SAMSN1: variants seen among roughly 807,000 people sequenced by gnomAD.
SAMSN1 encodes SAM domain-containing protein SAMSN-1.
SAMSN1 carries 31 observed loss-of-function variants against 42.0 expected under a neutral mutation model. The observed-to-expected ratio is 0.74, with a 90% CI of 0.55 to 1.00. The LOEUF (loss-of-function observed/expected upper bound fraction) is 1.00, where lower values mean the gene tolerates loss of function less well. Ranked by LOEUF, SAMSN1 falls within the 50% of genes least tolerant of loss-of-function variation. The probability of loss-of-function intolerance (pLI) is 0.00; values close to 1 mark genes in which losing one functional copy is unlikely to be tolerated. For missense variants in SAMSN1, 464 were observed against 439.4 expected (o/e 1.06, Z -0.50); for synonymous variants, 178 against 151.9 (o/e 1.17, Z -1.26).
At chr21:14,649,686 CTTG>C (rs1983794153) in intron 1 of SAMSN1, among the ~76,000 whole-genome samples, 1 of 151,904 alleles carries the variant, frequency 6.6e-6, no homozygotes, top group Non-Finnish European at 1.5e-5. Context: ...AGGAGAATCT[CTTG>C]AACCCAGGAG....
intron 1 of SAMSN1, among the ~76,000 whole-genome samples, chr21:14,657,091 C>G (rs1413259652): frequency 1.3e-5 from 2 of 151,728 alleles, no homozygotes; most frequent in Non-Finnish European, 2.9e-5. Flanking sequence ...TATAACAGCA[C>G]AGTAGGGTGT....
intron 1 of SAMSN1, among the ~76,000 whole-genome samples, chr21:14,530,892 C>A (rs903627047): frequency 6.6e-6 from 1 of 152,244 alleles, no homozygotes; most frequent in Non-Finnish European, 1.5e-5. Context: ...AGATGGATGA[C>A]TGAAATTTTC....
At chr21:14,508,673 A>G (rs1270011076) in intron 5 of SAMSN1, among the ~76,000 whole-genome samples, 1 of 152,252 alleles carries the variant, frequency 6.6e-6, no homozygotes, top group African/African-American at 2.4e-5. Context: ...CTAAAAGTAG[A>G]ACGACCATTT....
chr21:14,609,961 C>T (rs1214751532), intron 4 of SAMSN1, among the ~76,000 whole-genome samples: 1 of 152,140 alleles, frequency 6.6e-6, no homozygotes, highest in African/African-American at 2.4e-5. Flanking sequence ...ATCCTGTCAT[C>T]TTCATAAGGT....
At chr21:14,579,071 G>A (rs761216431) in intron 2 of SAMSN1, among the ~76,000 whole-genome samples, 4 of 152,062 alleles carry the variant, frequency 2.6e-5, no homozygotes, top group East Asian at 3.8e-4. Context: ...TTTTTCACTT[G>A]TTGTTGTTAT....
chr21:14,519,640 TAATA>T (rs1022846779), intron 2 of SAMSN1, among the ~76,000 whole-genome samples: 11 of 152,240 alleles, frequency 7.2e-5, no homozygotes, highest in South Asian at 2.1e-4. Context: ...AATATATACA[TAATA>T]AATTAATAAA....
chr21:14,524,504 T>C (rs1978707799), intron 1 of SAMSN1, among the ~76,000 whole-genome samples: 1 of 152,190 alleles, frequency 6.6e-6, no homozygotes, highest in Non-Finnish European at 1.5e-5. Flanking sequence ...CCTTATGCAA[T>C]TAGAAATGCA....
upstream of SAMSN1, among the ~76,000 whole-genome samples, chr21:14,548,697 C>T (rs542122254): frequency 1.3e-5 from 2 of 152,018 alleles, no homozygotes; most frequent in Non-Finnish European, 2.9e-5. Context: ...CATTATCTAA[C>T]TATGTTAAAC....
intron 7 of SAMSN1, among the ~76,000 whole-genome samples, chr21:14,491,481 G>A (rs543215722): frequency 1.3e-5 from 2 of 152,150 alleles, no homozygotes; most frequent in African/African-American, 4.8e-5. Context: ...CAGAAGAAAA[G>A]TATCATTCTT....
chr21:14,641,319 A>G (rs929735686), intron 2 of SAMSN1, among the ~76,000 whole-genome samples: 1 of 152,128 alleles, frequency 6.6e-6, no homozygotes, highest in African/African-American at 2.4e-5. Context: ...GCTTTCTAAC[A>G]TTGCTTTCTA....
At chr21:14,553,537 A>T (rs892695300) in intron 2 of SAMSN1, among the ~76,000 whole-genome samples, 1 of 152,146 alleles carries the variant, frequency 6.6e-6, no homozygotes, top group African/African-American at 2.4e-5. Flanking sequence ...AATCACTTCC[A>T]ATTATCTCTG....
chr21:14,521,138 T>C lies in SAMSN1; in HGVS notation c.129+12A>G, dbSNP rs1262463600. 6.4e-7 allele frequency: 1 copy of C among 1,560,100 alleles called. No homozygotes were observed. Among genetic ancestry groups the C allele is most frequent in the Admixed American group, 1.8e-5 (1 of 57,022 alleles). ...TTGCATAACATTCATAAAAATGGAA[T>C]AAACTACGAACCTCAGTTGAATCAT... On this transcript the variant is annotated intron_variant, in intron 2 of 7. Coordinates refer to ENST00000400566, the MANE Select transcript of SAMSN1 (RefSeq NM_022136.5).
At chr21:14,612,544 A>G in intron 4 of SAMSN1, 1 of 463,242 alleles carries the variant, frequency 2.2e-6, no homozygotes, top group Non-Finnish European at 4.3e-6. Context: ...AGATTCACAG[A>G]TCTAAAATGA....
intron 2 of SAMSN1, among the ~76,000 whole-genome samples, chr21:14,579,529 T>C (rs1326988136): frequency 6.6e-6 from 1 of 152,146 alleles, no homozygotes; most frequent in Admixed American, 6.5e-5. Flanking sequence ...TTTATCTGGA[T>C]CTATGGAAAC....
At chr21:14,616,622 G>A (rs1001986430) in intron 2 of SAMSN1, among the ~76,000 whole-genome samples, 1 of 152,126 alleles carries the variant, frequency 6.6e-6, no homozygotes, top group Non-Finnish European at 1.5e-5. Context: ...AGCTTAAACT[G>A]CCCTAGACAC....
chr21:14,518,812 C>A (rs1988031679), intron 2 of SAMSN1, among the ~76,000 whole-genome samples: 1 of 152,122 alleles, frequency 6.6e-6, no homozygotes. Flanking sequence ...ATTCAAAAGT[C>A]CTGAATAAAA....
chr21:14,659,085 C>T (rs1983959428), upstream of SAMSN1, among the ~76,000 whole-genome samples: 1 of 151,916 alleles, frequency 6.6e-6, no homozygotes, highest in African/African-American at 2.4e-5. Context: ...TTGGAAACAA[C>T]TACAGGCAAA....
intron 2 of SAMSN1, among the ~76,000 whole-genome samples, chr21:14,581,344 C>CTTTTTTTTTTTT (rs56728511): frequency 0.02 from 642 of 32,602 alleles, 264 homozygotes; most frequent in East Asian, 0.026. Flanking sequence ...AATAATATTT[C>CTTTTTTTTTTTT]TTTTTTTTTT....
intron 2 of SAMSN1, among the ~76,000 whole-genome samples, chr21:14,617,011 T>G (rs1338421412): frequency 1.3e-5 from 2 of 152,180 alleles, no homozygotes; most frequent in Non-Finnish European, 2.9e-5. Context: ...AGAGGACAAT[T>G]TGAATTTTTT....
Sources: allele counts gnomAD v4.1 joint callset (sites outside exome capture counted in the v4.1 genomes callset), GRCh38; gene constraint gnomAD v4.1.1; transcripts MANE v1.5; gene names NCBI Gene and HGNC (gene_info 2026-07-23, HGNC 2026-07-21).